ARHGAP9: variants seen among roughly 807,000 people sequenced by gnomAD.
ARHGAP9 encodes Rho GTPase activating protein 9.
ARHGAP9 carries 76 observed loss-of-function variants against 87.3 expected under a neutral mutation model. The ratio of observed to expected loss-of-function variants is 0.87; its 90% CI spans 0.72 to 1.05. ARHGAP9 has a LOEUF of 1.05. ARHGAP9 is among the 50% of genes least tolerant of loss of function. The pLI is 0.00. For synonymous variants in ARHGAP9, 382 were observed against 394.9 expected, an observed-to-expected ratio of 0.97 and a Z score of 0.39; for missense variants, 941 against 960.5, an observed-to-expected ratio of 0.98 and a Z score of 0.27.
chr12:57,474,191 A>C lies in ARHGAP9; in HGVS notation c.1784-15T>G. On this transcript the variant is annotated splice_polypyrimidine_tract_variant and intron_variant, in intron 15 of 17. Transcript: ENST00000393791. ...TAACCGACCTTCTGGAGGGAGAAGG[A>C]GGTATAGGGGCTCATGAAGGGCCAG... 6.2e-7 allele frequency: 1 copy of C among 1,608,536 alleles called. No individual in the cohort carries two copies. Among genetic ancestry groups the C allele is most frequent in the Non-Finnish European group, 8.5e-7 (1 of 1,176,538 alleles).
rs759038483 is a variant in ARHGAP9 at position 57,475,379 on chromosome 12, G to C, written c.1464C>G (p.Thr488=). 1.9e-6 allele frequency: 3 copies of C among 1,596,712 alleles called. No individual in the cohort carries two copies. Among genetic ancestry groups the C allele is most frequent in the South Asian group, 1.1e-5 (1 of 88,618 alleles). Residue 488 remains threonine, a synonymous_variant, in exon 12 of 18, where the codon ACC becomes ACG. Transcript: ENST00000393791. ...RRSSIRGPEG[T]EQNRVRNKLK... ...GTTTGTTGCGCACGCGGTTCTGCTCGGTGCCTTCGGGCCCCCGAACTGCAG... is the reference window on the plus strand; with the variant it reads ...GTTTGTTGCGCACGCGGTTCTGCTCCGTGCCTTCGGGCCCCCGAACTGCAG...
chr12:57,486,202 T>G (rs772913352), intron 1 of ARHGAP9, among the ~76,000 whole-genome samples: 64 of 152,172 alleles, frequency 4.2e-4, no homozygotes, highest in Non-Finnish European at 7.6e-4. Flanking sequence ...AGCGTCCCTT[T>G]CTCAATAACA....
chr12:57,486,062 C>G (rs1001805209), intron 1 of ARHGAP9, among the ~76,000 whole-genome samples: 1 of 152,132 alleles, frequency 6.6e-6, no homozygotes, highest in African/African-American at 2.4e-5. Context: ...CTTCTTATGG[C>G]CTAGCTTCAA....
In ARHGAP9 at chr12:57,473,704, G is replaced by A; in HGVS notation, c.1923C>T (p.Leu641=). ...GAGAGAGGCACTGCTCTGATTCGGA[G>A]AGTGCTAGAGAGAGTGATGGGAAAG... ...LLPHFRAALA[L]SESEQCLSQI... Residue 641 remains leucine, a synonymous_variant, in exon 17 of 18, where the codon CTC becomes CTT. Transcript: ENST00000393791. The A allele has an allele frequency of 1.2e-6, 2 of 1,613,410 alleles. No individual in the cohort carries two copies. The highest frequency in any genetic ancestry group is 1.7e-6 in the Non-Finnish European group (2 of 1,179,326).
At chr12:57,476,846 C>T in intron 6 of ARHGAP9, 25 bp downstream of exon 6, 1 of 1,605,478 alleles carries the variant, frequency 6.2e-7, no homozygotes, top group Non-Finnish European at 8.5e-7. Context: ...GGATCTTGGC[C>T]TTCACAAAGA....
At position 57,488,121 on chromosome 12, in the gene ARHGAP9, G is replaced by C. The variant is rs750309467; in HGVS notation, c.-204+491C>G. 1.2e-6 allele frequency: 2 copies of C among 1,614,190 alleles called. No individual in the cohort carries two copies. Among genetic ancestry groups the C allele is most frequent in the Non-Finnish European group, 1.7e-6 (2 of 1,180,042 alleles). ...ACTGTTCGTGAGTGATGGCGTCCCG[G>C]GTTGCTTGCCGGTGCTGGCCGCCGC... is the stretch of plus-strand genomic sequence containing the variant. On this transcript the variant is annotated intron_variant, in intron 1 of 20. Transcript: ENST00000393797.
exon 1 of ARHGAP9, chr12:57,488,663 T>C (rs1478696948): frequency 6.5e-7 from 1 of 1,549,868 alleles, no homozygotes; most frequent in South Asian, 1.2e-5. Flanking sequence ...GGTTCTCTTG[T>C]AAGTCTTCTC....
intron 16 of ARHGAP9, 94 bp downstream of exon 16, chr12:57,473,948 G>C (rs1396848057): frequency 6.8e-7 from 1 of 1,468,198 alleles, no homozygotes; most frequent in Admixed American, 2.6e-5. Flanking sequence ...TCTAAAGTCA[G>C]AATGGGAAAG....
chr12:57,488,136 C>T, intron 1 of ARHGAP9: 2 of 1,614,182 alleles, frequency 1.2e-6, no homozygotes, highest in Non-Finnish European at 1.7e-6. Flanking sequence ...CTTGCCGGTG[C>T]TGGCCGCCGC....
At chr12:57,486,889 G>GAAA (rs71084758) in intron 1 of ARHGAP9, among the ~76,000 whole-genome samples, 3 of 139,112 alleles carry the variant, frequency 2.2e-5, no homozygotes, top group Non-Finnish European at 3.1e-5. Context: ...CCGTCTCAAA[G>GAAA]AAAAAAAAAA....
At position 57,473,585 on chromosome 12, in the gene ARHGAP9, A is replaced by G; in HGVS notation, c.2024+18T>C. 6.2e-7 allele frequency: 1 copy of G among 1,600,454 alleles called. No homozygotes were observed. Among genetic ancestry groups the G allele is most frequent in the Non-Finnish European group, 8.6e-7 (1 of 1,167,776 alleles). On this transcript the variant is annotated intron_variant, in intron 17 of 17. Coordinates refer to ENST00000393791, the MANE Select transcript of ARHGAP9 (RefSeq NM_032496.4). Reference sequence around the variant, plus strand: ...CCACCTTTCCCCAGCATGAACAAAGAGGTTCTGTCTTCCTGACCTGCATAA... The same window carrying G: ...CCACCTTTCCCCAGCATGAACAAAGGGGTTCTGTCTTCCTGACCTGCATAA...
In ARHGAP9 at chr12:57,479,333, G is replaced by T; in HGVS notation, c.74C>A (p.Ser25Tyr). ...GLGPRSPPRG[S>Y]QLCALYAFTY... ...AAAGGCATAGAGGGCACAGAGCTGG[G>T]ATCCCCGAGGAGGGCTTCGGGGGCC... is the stretch of plus-strand genomic sequence containing the variant. The change falls in exon 2 of 18, where the codon TCC becomes TAC. Residue 25 changes from serine (S) to tyrosine (Y), a missense_variant. Ser to Tyr is a moderately radical substitution (Grantham distance 144, BLOSUM62 -2). Transcript: ENST00000393791. 1 of 1,614,212 alleles carries T rather than the reference G, an allele frequency of 6.2e-7. No homozygotes were observed. The highest frequency in any genetic ancestry group is 8.5e-7 in the Non-Finnish European group (1 of 1,180,032).
chr12:57,486,745 C>A (rs1875441740), intron 1 of ARHGAP9, among the ~76,000 whole-genome samples: 1 of 148,926 alleles, frequency 6.7e-6, no homozygotes, highest in Admixed American at 6.6e-5. Flanking sequence ...ATTAGCCGAG[C>A]GTGGTGGCGG....
At chr12:57,488,109 G>A (rs1251404030) in intron 1 of ARHGAP9, 7 of 1,614,206 alleles carry the variant, frequency 4.3e-6, no homozygotes, top group Non-Finnish European at 5.9e-6. Context: ...GTTCGTGAGT[G>A]ATGGCGTCCC....
chr12:57,478,869 G>A (rs985243870), intron 2 of ARHGAP9, 112 bp from the exon 3 acceptor site: 4 of 1,179,788 alleles, frequency 3.4e-6, no homozygotes, highest in Non-Finnish European at 4.7e-6. Context: ...GGGAGGATGT[G>A]GAAAATGGCA....
In ARHGAP9 at chr12:57,473,597, C is replaced by T; in HGVS notation, c.2024+6G>A. 1 of 1,610,512 alleles carries T rather than the reference C, an allele frequency of 6.2e-7. No homozygotes were observed. Among genetic ancestry groups the T allele is most frequent in the Non-Finnish European group, 8.5e-7 (1 of 1,176,818 alleles). On this transcript the variant is annotated splice_donor_region_variant and intron_variant, in intron 17 of 17. Coordinates refer to ENST00000393791, the MANE Select transcript of ARHGAP9 (RefSeq NM_032496.4). ...AGCATGAACAAAGAGGTTCTGTCTT[C>T]CTGACCTGCATAAATGCTCCAGGAG...
intron 5 of ARHGAP9, 55 bp downstream of exon 5, chr12:57,477,101 A>C: frequency 6.3e-7 from 1 of 1,586,942 alleles, no homozygotes; most frequent in Non-Finnish European, 8.7e-7. Context: ...CAAAACAGAA[A>C]GTCATAACAA....
intron 14 of ARHGAP9, 40 bp from the exon 15 acceptor site, chr12:57,474,516 C>T (rs1313421519): frequency 4.3e-6 from 7 of 1,613,886 alleles, no homozygotes; most frequent in Non-Finnish European, 3.4e-6. Context: ...CTAAGACATA[C>T]ACTTCCAGCC....
At chr12:57,480,226 G>C (rs146437767), upstream of ARHGAP9, 2 of 705,774 alleles carry the variant, frequency 2.8e-6, no homozygotes, top group African/African-American at 3.9e-5. Flanking sequence ...TTGTCCCCCA[G>C]GCTGGAGTGT....
Sources: allele counts gnomAD v4.1 joint callset (sites outside exome capture counted in the v4.1 genomes callset), GRCh38; gene constraint gnomAD v4.1.1; transcripts MANE v1.5; gene names NCBI Gene and HGNC (gene_info 2026-07-23, HGNC 2026-07-21).